Variants in CNTNAP2 observed in about 807,000 individuals in gnomAD.
CNTNAP2 encodes contactin associated protein 2, also known as contactin-associated protein-like 2.
In CNTNAP2, 98 loss-of-function variants were observed where a neutral mutation model predicts 155.2. That is an observed-to-expected ratio of 0.63 (90% CI 0.54 to 0.75). CNTNAP2 has a LOEUF of 0.75. CNTNAP2 is among the 30% of genes least tolerant of loss of function. The pLI, the probability that CNTNAP2 is intolerant of heterozygous loss-of-function variation, is 0.00. For missense variants in CNTNAP2, 1,727 were observed against 1,688.1 expected (o/e 1.02, Z -0.40); for synonymous variants, 651 against 631.2 (o/e 1.03, Z -0.47).
chr7:146,729,913 T>A (rs1034408196), intron 1 of CNTNAP2, among the ~76,000 whole-genome samples: 2 of 152,184 alleles, frequency 1.3e-5, no homozygotes, highest in African/African-American at 4.8e-5. Context: ...TAATTTAAAA[T>A]GCTAACAAGT....
chr7:146,142,056 G>T (rs1375831277), intron 1 of CNTNAP2, among the ~76,000 whole-genome samples: 2 of 152,068 alleles, frequency 1.3e-5, no homozygotes, highest in African/African-American at 2.4e-5. Flanking sequence ...GTATTTCCTT[G>T]TTATTAACCC....
At chr7:147,878,843 T>C (rs117085534) in intron 13 of CNTNAP2, among the ~76,000 whole-genome samples, 1 of 152,190 alleles carries the variant, frequency 6.6e-6, no homozygotes, top group African/African-American at 2.4e-5. Context: ...GCTTCTGGGC[T>C]CAGTTTCAAT....
chr7:148,406,540 C>T (rs1163397621), intron 22 of CNTNAP2, among the ~76,000 whole-genome samples: 4 of 152,164 alleles, frequency 2.6e-5, no homozygotes, highest in African/African-American at 9.7e-5. Context: ...CCCTTTCTAG[C>T]CTTCAAAAGG....
intron 18 of CNTNAP2, among the ~76,000 whole-genome samples, chr7:148,197,130 C>T (rs986067182): frequency 5.9e-5 from 9 of 152,168 alleles, no homozygotes; most frequent in African/African-American, 2.2e-4. Flanking sequence ...CATTCCTTTA[C>T]ATCAACAACC....
Position 146,438,290 on chromosome 7 carries a change from T to A in CNTNAP2, c.97+321317T>A, listed in dbSNP as rs555029452. ...AGTTATTTATCCATAGAAGCTTTTT[T>A]TTTTTTTAAAGAGTCTATTCATATC... On this transcript the variant is annotated intron_variant, in intron 1 of 23. Coordinates refer to ENST00000361727, the MANE Select transcript of CNTNAP2 (RefSeq NM_014141.6). 2.2e-3 allele frequency among the ~76,000 whole-genome samples: 329 copies of A among 151,444 alleles called. 11 individuals carry two copies. The South Asian group carries it at 0.064, about 30-fold the overall frequency.
chr7:146,400,977 C>T (rs1244628285), intron 1 of CNTNAP2, among the ~76,000 whole-genome samples: 1 of 152,096 alleles, frequency 6.6e-6, no homozygotes, highest in Non-Finnish European at 1.5e-5. Flanking sequence ...CAATCTATGT[C>T]ATAATTTTAG....
chr7:146,240,649 CAAATT>C (rs1427649226), intron 1 of CNTNAP2, among the ~76,000 whole-genome samples: 2 of 151,770 alleles, frequency 1.3e-5, no homozygotes, highest in African/African-American at 4.8e-5. Flanking sequence ...CATTTTTTCT[CAAATT>C]AAGTGTGAAA....
At chr7:146,174,202 A>G (rs1200162379) in intron 1 of CNTNAP2, among the ~76,000 whole-genome samples, 1 of 144,780 alleles carries the variant, frequency 6.9e-6, no homozygotes, top group African/African-American at 2.5e-5. Context: ...ATGCTGTCTC[A>G]AAAAAAAAAA....
chr7:146,202,211 C>A (rs1798874784), intron 1 of CNTNAP2, among the ~76,000 whole-genome samples: 1 of 152,054 alleles, frequency 6.6e-6, no homozygotes, highest in South Asian at 2.1e-4. Context: ...TATTTTCATG[C>A]CACATAGCTA....
At chr7:147,927,328 C>CTGA (rs1241815310) in intron 14 of CNTNAP2, among the ~76,000 whole-genome samples, 44 of 152,126 alleles carry the variant, frequency 2.9e-4, no homozygotes, top group African/African-American at 9.9e-4. Flanking sequence ...CTCTGATGGT[C>CTGA]TGATTAGATT....
At chr7:146,294,619 GTTTAAGT>G (rs377345104) in intron 1 of CNTNAP2, among the ~76,000 whole-genome samples, 330 of 152,268 alleles carry the variant, frequency 2.2e-3, no homozygotes, top group African/African-American at 7.4e-3. Context: ...AATGCCATTG[GTTTAAGT>G]TTTAATTGAT....
intron 1 of CNTNAP2, among the ~76,000 whole-genome samples, chr7:146,497,404 G>A (rs139323631): frequency 2.6e-4 from 40 of 151,988 alleles, no homozygotes; most frequent in African/African-American, 7.2e-4. Context: ...ATACTTTACC[G>A]TTTACTATTT....
At chr7:146,890,152 T>A (rs924681645) in intron 3 of CNTNAP2, among the ~76,000 whole-genome samples, 3 of 152,214 alleles carry the variant, frequency 2.0e-5, no homozygotes, top group Non-Finnish European at 4.4e-5. Flanking sequence ...AGGTCCTTCA[T>A]ATTTAAAAAG....
intron 1 of CNTNAP2, among the ~76,000 whole-genome samples, chr7:146,285,968 CCTTCCTTCTCTG>C (rs1800328072): frequency 2.1e-5 from 1 of 47,970 alleles, no homozygotes; most frequent in Non-Finnish European, 3.6e-5. Flanking sequence ...TTCCTTCCTT[CCTTCCTTCTCTG>C]TGTGTGTGTG....
intron 15 of CNTNAP2, among the ~76,000 whole-genome samples, chr7:148,082,528 T>C (rs1249329622): frequency 1.3e-5 from 2 of 152,000 alleles, no homozygotes; most frequent in African/African-American, 4.8e-5. Context: ...AGGCATCAAA[T>C]AAAGCTGATG....
intron 8 of CNTNAP2, among the ~76,000 whole-genome samples, chr7:147,277,676 G>A (rs982076928): frequency 3.3e-5 from 5 of 151,432 alleles, no homozygotes; most frequent in South Asian, 2.1e-4. Context: ...TGATTTACTC[G>A]TATTATAGTC....
At chr7:148,120,059 G>C (rs894473152) in intron 16 of CNTNAP2, among the ~76,000 whole-genome samples, 5 of 151,268 alleles carry the variant, frequency 3.3e-5, no homozygotes, top group Non-Finnish European at 7.4e-5. Context: ...ATTTTAGAAA[G>C]ATTTTATGGC....
At chr7:147,203,146 T>A (rs1302690162) in intron 8 of CNTNAP2, among the ~76,000 whole-genome samples, 1 of 152,130 alleles carries the variant, frequency 6.6e-6, no homozygotes, top group African/African-American at 2.4e-5. Flanking sequence ...GTTTGCAAAA[T>A]TATTTACATT....
In CNTNAP2 at chr7:146,875,934, C is replaced by CAAAAAAAAAAAAAAA. The variant is rs56304234; in HGVS notation, c.402+36043_402+36057dup. Among the ~76,000 whole-genome samples, 112 of 55,114 alleles carry CAAAAAAAAAAAAAAA rather than the reference C, an allele frequency of 2.0e-3. 1 individual carries two copies. The highest frequency in any genetic ancestry group is 5.2e-3 in the East Asian group (5 of 954). 36.2% of individuals were successfully genotyped at this position (55,114 alleles called of 152,430 possible). A position where few individuals can be genotyped will look rare whatever the true frequency, so the allele number is the denominator to read the frequency against. On this transcript the variant is annotated intron_variant, in intron 3 of 23. Transcript: ENST00000361727. ...CACACACACACACACACATACACAG[C>CAAAAAAAAAAAAAAA]AAAAAAAAAAAAAAAAAAAAAAAAA...
Sources: gnomAD v4.1 joint callset for allele counts (sites outside exome capture counted in the v4.1 genomes callset) on GRCh38, gnomAD v4.1.1 for gene constraint, MANE v1.5 for transcripts, NCBI Gene and HGNC (gene_info 2026-07-23, HGNC 2026-07-21) for gene names.